FHIT: variants seen among roughly 807,000 people sequenced by gnomAD.
FHIT encodes fragile histidine triad diadenosine triphosphatase.
In FHIT, 19 loss-of-function variants were observed where a neutral mutation model predicts 17.9. The observed-to-expected ratio is 1.06, with a 90% CI of 0.74 to 1.56. FHIT has a LOEUF of 1.56. Among genes scored for constraint, FHIT ranks in the 40% most tolerant of loss-of-function variants. FHIT has a pLI of 0.00. For missense variants in FHIT, 248 were observed against 189.2 expected (o/e 1.31, Z -1.82); for synonymous variants, 81 against 69.7 (o/e 1.16, Z -0.81).
chr3:60,603,613 C>A (rs944148194), intron 4 of FHIT, among the ~76,000 whole-genome samples: 14 of 151,792 alleles, frequency 9.2e-5, no homozygotes, highest in Non-Finnish European at 1.6e-4. Flanking sequence ...TATACAATCA[C>A]CACTCTAAAA....
chr3:59,806,976 G>C (rs1468156987), intron 8 of FHIT, among the ~76,000 whole-genome samples: 2 of 152,058 alleles, frequency 1.3e-5, no homozygotes, highest in Non-Finnish European at 2.9e-5. Context: ...TGATAAACAG[G>C]ACCATTGCCA....
chr3:60,504,063 GA>G (rs1242458695), intron 5 of FHIT, among the ~76,000 whole-genome samples: 19 of 152,030 alleles, frequency 1.2e-4, no homozygotes, highest in South Asian at 2.1e-4. Context: ...CAAATGACCA[GA>G]AAAAAAGAAT....
chr3:59,856,256 C>T (rs1374303997), intron 8 of FHIT, among the ~76,000 whole-genome samples: 1 of 151,942 alleles, frequency 6.6e-6, no homozygotes, highest in East Asian at 1.9e-4. Flanking sequence ...CCATAATGGA[C>T]CCAAGAAATA....
At chr3:60,660,423 T>C (rs1400116644) in intron 4 of FHIT, among the ~76,000 whole-genome samples, 3 of 152,098 alleles carry the variant, frequency 2.0e-5, no homozygotes, top group Admixed American at 2.0e-4. Flanking sequence ...TAGCTGATAT[T>C]ATTCTAAGAG....
chr3:60,030,751 G>A (rs1700965587), intron 5 of FHIT, among the ~76,000 whole-genome samples: 1 of 152,046 alleles, frequency 6.6e-6, no homozygotes, highest in Admixed American at 6.6e-5. Flanking sequence ...ATGGACGGAT[G>A]GTAGATGACT....
chr3:61,120,780 G>A (rs2036435320), intron 2 of FHIT, among the ~76,000 whole-genome samples: 1 of 152,018 alleles, frequency 6.6e-6, no homozygotes, highest in Non-Finnish European at 1.5e-5. Context: ...CAGAAGGTGG[G>A]TAATGACAAA....
intron 1 of FHIT, among the ~76,000 whole-genome samples, chr3:61,246,651 C>T (rs1032135602): frequency 1.3e-5 from 2 of 151,686 alleles, no homozygotes; most frequent in African/African-American, 2.4e-5. Context: ...ACAATGAGAA[C>T]GCATGGACAC....
intron 7 of FHIT, among the ~76,000 whole-genome samples, chr3:59,951,759 C>G (rs1707129315): frequency 6.6e-6 from 1 of 152,162 alleles, no homozygotes. Context: ...AAAGCCTCTT[C>G]ATTGAGATGT....
At chr3:60,109,530 T>C (rs533627708) in intron 5 of FHIT, among the ~76,000 whole-genome samples, 1 of 152,170 alleles carries the variant, frequency 6.6e-6, no homozygotes, top group Non-Finnish European at 1.5e-5. Flanking sequence ...CCTTAGGGTT[T>C]ATGTTCCAAA....
intron 5 of FHIT, among the ~76,000 whole-genome samples, chr3:60,448,953 T>C (rs2031532066): frequency 6.6e-6 from 1 of 152,140 alleles, no homozygotes; most frequent in South Asian, 2.1e-4. Flanking sequence ...AACCAGTGCT[T>C]TTCCTCCAAG....
At chr3:60,287,399 C>T (rs1707775966) in intron 5 of FHIT, among the ~76,000 whole-genome samples, 1 of 152,066 alleles carries the variant, frequency 6.6e-6, no homozygotes, top group Non-Finnish European at 1.5e-5. Context: ...AAACTCCTGG[C>T]CTCAGGTGAC....
intron 5 of FHIT, among the ~76,000 whole-genome samples, chr3:60,072,742 C>T (rs1702833603): frequency 6.6e-6 from 1 of 152,178 alleles, no homozygotes; most frequent in Non-Finnish European, 1.5e-5. Flanking sequence ...ATATACCACT[C>T]TACATCTTCT....
At chr3:60,886,604 GT>G (rs1553759337) in intron 3 of FHIT, among the ~76,000 whole-genome samples, 1 of 152,148 alleles carries the variant, frequency 6.6e-6, no homozygotes, top group African/African-American at 2.4e-5. Context: ...GAAAGGTAGG[GT>G]TTTAAAGCTG....
chr3:61,143,495 G>C (rs79960581), intron 2 of FHIT, among the ~76,000 whole-genome samples: 1,695 of 152,304 alleles, frequency 0.011, 35 homozygotes, highest in African/African-American at 0.037. Flanking sequence ...GCAGAGGAAA[G>C]CTTTTGACCA....
chr3:60,197,006 G>A (rs1294652166), intron 5 of FHIT, among the ~76,000 whole-genome samples: 5 of 152,110 alleles, frequency 3.3e-5, no homozygotes, highest in African/African-American at 4.8e-5. Context: ...ACCCCAAATA[G>A]ATAGATACAT....
At chr3:60,388,329 G>T (rs1701091739) in intron 5 of FHIT, among the ~76,000 whole-genome samples, 1 of 152,182 alleles carries the variant, frequency 6.6e-6, no homozygotes, top group African/African-American at 2.4e-5. Flanking sequence ...GCCAGGCATG[G>T]TGGCTCATGC....
rs562863896 is a variant in FHIT, at chr3:59,971,373, A to C, written c.279+39998T>G. ...TCTTTGTGTGGAAGGCCTTATAATG[A>C]GGATTCCATTGTGTCCAGAGACTGA... is the stretch of plus-strand genomic sequence containing the variant. On this transcript the variant is annotated intron_variant, in intron 7 of 9. Coordinates refer to ENST00000492590, the MANE Select transcript of FHIT (RefSeq NM_002012.4). 2.9e-3 allele frequency among the ~76,000 whole-genome samples: 439 copies of C among 152,264 alleles called. 4 individuals carry two copies. Among genetic ancestry groups the C allele is most frequent in the Non-Finnish European group, 4.6e-3 (311 of 68,014 alleles).
At chr3:60,850,363 C>G (rs1169903367) in intron 3 of FHIT, among the ~76,000 whole-genome samples, 1 of 141,470 alleles carries the variant, frequency 7.1e-6, no homozygotes, top group Non-Finnish European at 1.5e-5. Context: ...CTCTCTCTCT[C>G]TCTCATGCTC....
At chr3:60,780,440 T>C (rs1553725492) in intron 4 of FHIT, among the ~76,000 whole-genome samples, 1 of 152,176 alleles carries the variant, frequency 6.6e-6, no homozygotes, top group African/African-American at 2.4e-5. Context: ...GTCAGGCTTT[T>C]GGCCTCCCTC....
Sources: gnomAD v4.1 joint callset for allele counts (sites outside exome capture counted in the v4.1 genomes callset) on GRCh38, gnomAD v4.1.1 for gene constraint, MANE v1.5 for transcripts, NCBI Gene and HGNC (gene_info 2026-07-23, HGNC 2026-07-21) for gene names.